RPH3AL: variants seen among roughly 807,000 people sequenced by gnomAD.
RPH3AL encodes the protein rabphilin 3A like (without C2 domains).
A neutral mutation model predicts 43.1 loss-of-function variants in RPH3AL; 38 were observed. The observed-to-expected ratio is 0.88, with a 90% confidence interval of 0.68 to 1.15. The LOEUF (loss-of-function observed/expected upper bound fraction) is 1.15. Ranked by LOEUF, RPH3AL falls within the 50% of genes most tolerant of loss-of-function variation. The pLI is 0.00. For synonymous variants in RPH3AL, 189 were observed against 176.3 expected (o/e 1.07, Z -0.57); for missense variants, 462 against 423.2 (o/e 1.09, Z -0.81).
intron 1 of RPH3AL, among the ~76,000 whole-genome samples, chr17:335,470 C>T (rs548243503): frequency 6.6e-6 from 1 of 152,222 alleles, no homozygotes; most frequent in South Asian, 2.1e-4. Context: ...AAATGCACGG[C>T]CCGGCCAAGA....
At chr17:238,517 G>A (rs1278784946) in intron 7 of RPH3AL, among the ~76,000 whole-genome samples, 2 of 152,276 alleles carry the variant, frequency 1.3e-5, no homozygotes, top group African/African-American at 4.8e-5. Context: ...CTCCAGCCGC[G>A]CCTTTATCGT....
At chr17:267,851 TC>T (rs1198331062) in intron 6 of RPH3AL, among the ~76,000 whole-genome samples, 1 of 152,164 alleles carries the variant, frequency 6.6e-6, no homozygotes, top group Non-Finnish European at 1.5e-5. Flanking sequence ...TTTAGCGACC[TC>T]CTCTCATCTT....
At chr17:315,657 C>T (rs74971605) in intron 5 of RPH3AL, among the ~76,000 whole-genome samples, 397 of 77,052 alleles carry the variant, frequency 5.2e-3, no homozygotes, top group East Asian at 0.021. Flanking sequence ...CCCTGTGCTC[C>T]ACCTCCACTG....
chr17:310,271 G>A (rs1247238944), intron 5 of RPH3AL, among the ~76,000 whole-genome samples: 12 of 152,154 alleles, frequency 7.9e-5, no homozygotes, highest in South Asian at 2.1e-4. Flanking sequence ...GCAGGCAGTC[G>A]AGGCATGCAG....
chr17:262,803 G>A (rs1206556742), intron 6 of RPH3AL, among the ~76,000 whole-genome samples: 1 of 152,170 alleles, frequency 6.6e-6, no homozygotes, highest in Non-Finnish European at 1.5e-5. Context: ...GAGTCAGGGA[G>A]CACACAACTA....
intron 7 of RPH3AL, among the ~76,000 whole-genome samples, chr17:233,634 C>G (rs1041103398): frequency 1.3e-5 from 2 of 152,212 alleles, no homozygotes; most frequent in Non-Finnish European, 2.9e-5. Context: ...GAGGGCCCTT[C>G]CCTTCTGAGA....
chr17:335,043 G>A (rs554735407), intron 1 of RPH3AL, among the ~76,000 whole-genome samples: 13 of 152,212 alleles, frequency 8.5e-5, no homozygotes, highest in Non-Finnish European at 1.3e-4. Context: ...GGTGTGGCAC[G>A]AACGAGCGCG....
chr17:268,088 T>C (rs897433101), intron 6 of RPH3AL, among the ~76,000 whole-genome samples: 11 of 152,214 alleles, frequency 7.2e-5, no homozygotes, highest in Admixed American at 7.2e-4. Flanking sequence ...CTTGTATGTA[T>C]GTATGCATTT....
rs538443137 is a variant in RPH3AL at position 264,283 on chromosome 17, G to A, written c.439-16998C>T. 1.3e-5 allele frequency among the ~76,000 whole-genome samples: 2 copies of A among 151,072 alleles called. No individual in the cohort carries two copies. The highest frequency in any genetic ancestry group is 2.0e-4 in the East Asian group (1 of 5,122). On this transcript the variant is annotated intron_variant, in intron 6 of 9. Transcript: ENST00000331302. The surrounding 1 kb of genome is among the most constrained non-coding windows in gnomAD (Gnocchi z 4.8). ...AGGATTACCCTTCGGAGCCGCGAGC[G>A]CTGGATGGGGACTCAGAATCCGCAG...
intron 1 of RPH3AL, among the ~76,000 whole-genome samples, chr17:334,645 C>A (rs1361633284): frequency 7.4e-6 from 1 of 135,500 alleles, no homozygotes; most frequent in Non-Finnish European, 1.6e-5. Flanking sequence ...AGCTCCTTCT[C>A]CCCACGCCTT....
chr17:324,718 T>G (rs1189280191), intron 3 of RPH3AL, among the ~76,000 whole-genome samples: 5 of 151,806 alleles, frequency 3.3e-5, no homozygotes, highest in African/African-American at 1.2e-4. Context: ...TACCTATCTA[T>G]CTATCTATCT....
chr17:296,006 T>G, intron 5 of RPH3AL, among the ~76,000 whole-genome samples: 1 of 106,332 alleles, frequency 9.4e-6, no homozygotes, highest in Non-Finnish European at 1.9e-5. Flanking sequence ...GCTGCAGAAA[T>G]GGACGGGCAG....
At chr17:228,333 G>A (rs957361361) in intron 7 of RPH3AL, among the ~76,000 whole-genome samples, 13 of 152,202 alleles carry the variant, frequency 8.5e-5, no homozygotes, top group South Asian at 6.2e-4. Flanking sequence ...GTGAGTGCCC[G>A]GCCCTGGAGC....
intron 5 of RPH3AL, among the ~76,000 whole-genome samples, chr17:295,301 G>A (rs1376607089): frequency 7.1e-6 from 1 of 139,996 alleles, no homozygotes; most frequent in African/African-American, 2.7e-5. Flanking sequence ...AGAAATGGAC[G>A]GGCAGAGGGA....
chr17:227,082 T>TC (rs1191826847), intron 7 of RPH3AL, among the ~76,000 whole-genome samples: 1 of 151,618 alleles, frequency 6.6e-6, no homozygotes, highest in African/African-American at 2.4e-5. Flanking sequence ...GGGGAGAAGC[T>TC]CCCCTCCTGG....
intron 6 of RPH3AL, among the ~76,000 whole-genome samples, chr17:257,535 C>T (rs370925251): frequency 1.8e-3 from 60 of 32,462 alleles, no homozygotes; most frequent in African/African-American, 3.9e-3. Context: ...AGCCGCACGG[C>T]GTCTGTCCTT....
rs918384945 is a variant in RPH3AL at position 346,311 on chromosome 17, C to T, written c.-213+6401G>A. The stretch of plus-strand genomic sequence containing the variant: ...TTTTCCCGTCCCAGTTGTGTTAGTC[C>T]GTTTTCACGCTGCTGATAAGGCATA... On this transcript the variant is annotated intron_variant, in intron 1 of 9. Coordinates refer to ENST00000331302, the MANE Select transcript of RPH3AL (RefSeq NM_006987.4). Among the ~76,000 whole-genome samples, 2 of 134,936 alleles carry T rather than the reference C, an allele frequency of 1.5e-5. 1 individual carries two copies. 88.5% of individuals were successfully genotyped at this position (134,936 alleles called of 152,430 possible).
At chr17:219,775 C>T (rs377186717) in intron 7 of RPH3AL, 39 bp from the exon 8 acceptor site, 60 of 1,470,854 alleles carry the variant, frequency 4.1e-5, no homozygotes, top group Non-Finnish European at 5.0e-5. Flanking sequence ...GTCACCCGAC[C>T]AGCCCCTACC....
chr17:346,124 T>C (rs1483382627), intron 1 of RPH3AL, among the ~76,000 whole-genome samples: 1 of 134,972 alleles, frequency 7.4e-6, no homozygotes, highest in Admixed American at 7.2e-5. Flanking sequence ...AACCCCATTG[T>C]ACAGGTGAGC....
Sources: allele counts gnomAD v4.1 joint callset (sites outside exome capture counted in the v4.1 genomes callset), GRCh38; gene constraint gnomAD v4.1.1; non-coding constraint Gnocchi (gnomAD v3.1); transcripts MANE v1.5; gene names NCBI Gene and HGNC (gene_info 2026-07-23, HGNC 2026-07-21).